CADPS2: variants seen among roughly 807,000 people sequenced by gnomAD.
CADPS2 encodes the protein calcium-dependent secretion activator 2.
Under a neutral mutation model 172.5 loss-of-function variants are expected in CADPS2, and 93 were observed. The observed-to-expected ratio is 0.54, with a 90% CI of 0.46 to 0.64. The LOEUF (loss-of-function observed/expected upper bound fraction) is 0.64, where lower values mean the gene tolerates loss of function less well. Among genes scored for constraint, CADPS2 ranks in the 30% least tolerant of loss-of-function variants. The pLI, the probability that CADPS2 is intolerant of heterozygous loss-of-function variation, is 0.00. For missense variants in CADPS2, 1,420 were observed against 1,565.9 expected (o/e 0.91, Z 1.57); for synonymous variants, 546 against 555.2 (o/e 0.98, Z 0.23).
intron 1 of CADPS2, among the ~76,000 whole-genome samples, chr7:122,871,926 C>T (rs1237167807): frequency 1.3e-5 from 2 of 152,068 alleles, no homozygotes; most frequent in African/African-American, 4.8e-5. Context: ...TTAAAATCTT[C>T]TCCTTGCTAG....
intron 2 of CADPS2, among the ~76,000 whole-genome samples, chr7:122,730,951 G>T (rs1457793367): frequency 6.7e-6 from 1 of 150,200 alleles, no homozygotes; most frequent in African/African-American, 2.4e-5. Flanking sequence ...AGATAAAAAT[G>T]AGTACTGTTC....
At chr7:122,330,249 T>C (rs1414342452) in intron 28 of CADPS2, among the ~76,000 whole-genome samples, 4 of 152,214 alleles carry the variant, frequency 2.6e-5, no homozygotes, top group Non-Finnish European at 5.9e-5. Flanking sequence ...AATATAAAGT[T>C]AAATGAAAGA....
intron 7 of CADPS2, among the ~76,000 whole-genome samples, chr7:122,580,487 TA>T (rs1157362690): frequency 6.6e-6 from 1 of 151,424 alleles, no homozygotes; most frequent in Non-Finnish European, 1.5e-5. Flanking sequence ...AAATTCACAT[TA>T]CAGAAGACAT....
At chr7:122,369,111 TAGA>T (rs1375436087) in intron 25 of CADPS2, among the ~76,000 whole-genome samples, 1 of 147,778 alleles carries the variant, frequency 6.8e-6, no homozygotes, top group Non-Finnish European at 1.5e-5. Context: ...TCTTTCTGGC[TAGA>T]AGAATTTTTG....
intron 13 of CADPS2, among the ~76,000 whole-genome samples, 198 bp downstream of exon 13, chr7:122,474,183 G>A (rs1014683488): frequency 6.6e-6 from 1 of 152,138 alleles, no homozygotes; most frequent in African/African-American, 2.4e-5. Flanking sequence ...TGGTCTTCAA[G>A]TGTATAATTT....
At chr7:122,415,158 G>C (rs1337019081) in intron 18 of CADPS2, among the ~76,000 whole-genome samples, 1 of 152,160 alleles carries the variant, frequency 6.6e-6, no homozygotes, top group Non-Finnish European at 1.5e-5. Flanking sequence ...ATACAGGTTT[G>C]ATTAAAACTT....
intron 27 of CADPS2, among the ~76,000 whole-genome samples, chr7:122,346,664 A>G: frequency 6.6e-6 from 1 of 152,200 alleles, no homozygotes; most frequent in Non-Finnish European, 1.5e-5. Context: ...TGTACAGCCG[A>G]AGATGTGGAT....
chr7:122,741,518 A>G (rs1367677872), intron 1 of CADPS2, among the ~76,000 whole-genome samples: 1 of 152,200 alleles, frequency 6.6e-6, no homozygotes, highest in East Asian at 1.9e-4. Flanking sequence ...GAGACTGGAC[A>G]GCACACCAAT....
intron 27 of CADPS2, among the ~76,000 whole-genome samples, chr7:122,351,735 T>C (rs2038679135): frequency 6.6e-6 from 1 of 152,148 alleles, no homozygotes. Flanking sequence ...CCTACCTTAA[T>C]GCTATGAAGG....
chr7:122,511,684 A>G (rs750859538), intron 9 of CADPS2, among the ~76,000 whole-genome samples: 1 of 152,298 alleles, frequency 6.6e-6, no homozygotes, highest in Admixed American at 6.5e-5. Flanking sequence ...GAGATTTTAC[A>G]TAAATGCATA....
chr7:122,448,350 T>C (rs2052579523), intron 15 of CADPS2, among the ~76,000 whole-genome samples: 1 of 152,104 alleles, frequency 6.6e-6, no homozygotes, highest in Non-Finnish European at 1.5e-5. Flanking sequence ...TCCCCTACCA[T>C]CCAATTACCT....
At chr7:122,638,804 C>T (rs2077319989) in intron 3 of CADPS2, among the ~76,000 whole-genome samples, 1 of 152,154 alleles carries the variant, frequency 6.6e-6, no homozygotes, top group African/African-American at 2.4e-5. Flanking sequence ...AGGCAGCTGC[C>T]CAGCTTCGAT....
At position 122,596,079 on chromosome 7, in the gene CADPS2, T is replaced by C. The variant is rs569078322; in HGVS notation, c.1224-14789A>G. ...CAGGCCAGACAGTCACTGCCAGTTA[T>C]CCTGCTGCTGCTGGTTCCTGTGAGC... On this transcript the variant is annotated intron_variant, in intron 6 of 29. Coordinates refer to ENST00000449022, the MANE Select transcript of CADPS2 (RefSeq NM_017954.11). Among the ~76,000 whole-genome samples, 10 of 152,176 alleles carry C rather than the reference T, an allele frequency of 6.6e-5. No homozygotes were observed. The East Asian group carries it at 1.9e-3, about 30-fold the overall frequency.
chr7:122,643,873 T>C (rs2077983707), intron 3 of CADPS2, among the ~76,000 whole-genome samples: 1 of 152,062 alleles, frequency 6.6e-6, no homozygotes, highest in Admixed American at 6.6e-5. Flanking sequence ...GGTAGATTGC[T>C]TGAGGCCAGG....
chr7:122,851,500 T>G (rs775915986), intron 1 of CADPS2, among the ~76,000 whole-genome samples: 1 of 152,124 alleles, frequency 6.6e-6, no homozygotes, highest in Non-Finnish European at 1.5e-5. Context: ...TGTAAACCAG[T>G]ACTAAAAATA....
At chr7:122,690,493 GC>G (rs1475745601) in intron 2 of CADPS2, among the ~76,000 whole-genome samples, 1 of 152,182 alleles carries the variant, frequency 6.6e-6, no homozygotes, top group Non-Finnish European at 1.5e-5. Flanking sequence ...CCCACAGGAG[GC>G]CACAATCGCC....
intron 2 of CADPS2, among the ~76,000 whole-genome samples, chr7:122,715,919 T>A (rs193184567): frequency 1.3e-5 from 2 of 152,136 alleles, no homozygotes; most frequent in East Asian, 3.9e-4. Flanking sequence ...ATATGAAAAC[T>A]CTAAAGGTAT....
intron 1 of CADPS2, among the ~76,000 whole-genome samples, chr7:122,832,816 A>C (rs1232076198): frequency 1.3e-5 from 2 of 152,212 alleles, no homozygotes; most frequent in Non-Finnish European, 2.9e-5. Context: ...AGTATCACCC[A>C]AATTCCCCTT....
At chr7:122,614,282 A>G (rs749427800) in intron 6 of CADPS2, among the ~76,000 whole-genome samples, 3 of 152,006 alleles carry the variant, frequency 2.0e-5, no homozygotes, top group African/African-American at 4.8e-5. Context: ...TCAACCCCCT[A>G]ATACTCTGTG....
Sources: gnomAD v4.1 joint callset for allele counts (sites outside exome capture counted in the v4.1 genomes callset) on GRCh38, gnomAD v4.1.1 for gene constraint, MANE v1.5 for transcripts, NCBI Gene and HGNC (gene_info 2026-07-23, HGNC 2026-07-21) for gene names.